PRKCE: variants seen among roughly 807,000 people sequenced by gnomAD.
PRKCE encodes the protein protein kinase C epsilon.
Under a neutral mutation model 85.4 loss-of-function variants are expected in PRKCE, and 16 were observed. The observed-to-expected ratio is 0.19, with a 90% CI of 0.13 to 0.28. The LOEUF (loss-of-function observed/expected upper bound fraction) is 0.28. Ranked by LOEUF, PRKCE falls within the 10% of genes least tolerant of loss-of-function variation. The pLI, the probability that PRKCE is intolerant of heterozygous loss-of-function variation, is 1.00. For synonymous variants in PRKCE, 388 were observed against 371.5 expected, an observed-to-expected ratio of 1.04 and a Z score of -0.51; for missense variants, 573 against 975.2, an observed-to-expected ratio of 0.59 and a Z score of 5.49.
chr2:45,783,142 G>C (rs1030150891), intron 1 of PRKCE, among the ~76,000 whole-genome samples: 1 of 152,166 alleles, frequency 6.6e-6, no homozygotes, highest in Non-Finnish European at 1.5e-5. Flanking sequence ...CCTGGGGAAG[G>C]CTTGGGCTGT....
chr2:46,027,351 A>G (rs1032619716), intron 10 of PRKCE, among the ~76,000 whole-genome samples: 7 of 152,106 alleles, frequency 4.6e-5, no homozygotes, highest in African/African-American at 1.7e-4. Flanking sequence ...AGAAAGAAAA[A>G]GAAAAGAAAA....
intron 1 of PRKCE, among the ~76,000 whole-genome samples, chr2:45,773,195 C>G (rs913157987): frequency 1.3e-5 from 2 of 152,180 alleles, no homozygotes; most frequent in African/African-American, 4.8e-5. Context: ...CCACAGTCTT[C>G]CAACTCTGCT....
intron 14 of PRKCE, chr2:46,167,761 C>T (rs935274082): frequency 6.6e-6 from 1 of 150,790 alleles, no homozygotes; most frequent in African/African-American, 2.5e-5. Context: ...CCCCCCGGTC[C>T]CCTGCTTTTA....
At position 45,777,927 on chromosome 2, in the gene PRKCE, C is replaced by T. The variant is rs988570136; in HGVS notation, c.349-65073C>T. On this transcript the variant is annotated intron_variant, in intron 1 of 14. Transcript: ENST00000306156. ...AAGGTTCTTGAGATGGAACAGAATGCAGGCCCCAGGGACTCAAAGTCATTT... is the reference window on the plus strand; with the variant it reads ...AAGGTTCTTGAGATGGAACAGAATGTAGGCCCCAGGGACTCAAAGTCATTT... 2.0e-5 allele frequency among the ~76,000 whole-genome samples: 3 copies of T among 152,160 alleles called. No homozygotes were observed. In the South Asian group the frequency reaches 6.2e-4, roughly 32 times the overall value.
Position 46,001,448 on chromosome 2 carries a change from C to T in PRKCE, c.868C>T (p.Pro290Ser), listed in dbSNP as rs748855513. Residue 290 changes from proline (P) to serine (S), a missense_variant, in exon 7 of 15, where the codon CCC becomes TCC. Around this residue, in one of 11 missense-constraint regions of PRKCE, gnomAD observed 55 missense variants for 128.1 expected, o/e 0.43. Transcript: ENST00000306156. The surrounding 1 kb of genome is among the most constrained non-coding windows in gnomAD (Gnocchi z 4.4). The stretch of plus-strand genomic sequence containing the variant: ...CCGTCGATGTGAGACCAACGTGGCT[C>T]CCAACTGTGGAGTGGATGCCAGAGG... ...VHRRCETNVA[P>S]NCGVDARGIA... is the part of the protein sequence containing the mutation. The T allele has an allele frequency of 2.5e-6, 4 of 1,599,420 alleles. No homozygotes were observed. The Admixed American group carries it at 5.0e-5, about 20-fold the overall frequency.
intron 10 of PRKCE, among the ~76,000 whole-genome samples, chr2:46,056,888 T>G (rs1280852776): frequency 6.6e-6 from 1 of 152,224 alleles, no homozygotes; most frequent in East Asian, 1.9e-4. Flanking sequence ...TAGGGGAAAC[T>G]TGGACCTGTT....
intron 1 of PRKCE, among the ~76,000 whole-genome samples, chr2:45,756,235 A>G (rs956752266): frequency 1.8e-4 from 27 of 152,290 alleles, no homozygotes; most frequent in Non-Finnish European, 7.4e-5. Context: ...AGGATCCTGG[A>G]CTTCTTTGAA....
intron 1 of PRKCE, among the ~76,000 whole-genome samples, chr2:45,749,591 A>T (rs1257503896): frequency 6.6e-6 from 1 of 152,274 alleles, no homozygotes. Context: ...TGTGGATTGC[A>T]TGATTTTAAT....
chr2:46,181,323 T>C (rs1406564218), intron 14 of PRKCE, among the ~76,000 whole-genome samples: 1 of 152,160 alleles, frequency 6.6e-6, no homozygotes, highest in Non-Finnish European at 1.5e-5. Context: ...GATGGTTATT[T>C]GAATTAGAAA....
chr2:46,120,169 T>A (rs17034583), intron 11 of PRKCE, among the ~76,000 whole-genome samples: 3,787 of 152,350 alleles, frequency 0.025, 147 homozygotes, highest in African/African-American at 0.086. Context: ...ACTGACCTCA[T>A]GTTCAGACAC....
At chr2:45,813,534 A>C (rs1038275280) in intron 1 of PRKCE, among the ~76,000 whole-genome samples, 3 of 152,170 alleles carry the variant, frequency 2.0e-5, no homozygotes, top group African/African-American at 7.2e-5. Flanking sequence ...ACCATGTGGG[A>C]CATGAGAGTT....
At chr2:45,811,148 G>C (rs1688628481) in intron 1 of PRKCE, among the ~76,000 whole-genome samples, 1 of 152,184 alleles carries the variant, frequency 6.6e-6, no homozygotes, top group Non-Finnish European at 1.5e-5. Flanking sequence ...TACAGGAGAA[G>C]GGGAATACAG....
rs948437568 is a variant in PRKCE at position 46,186,836 on chromosome 2, A to T, written c.*1955A>T. On this transcript the variant is annotated 3_prime_UTR_variant, in exon 15 of 15. Transcript: ENST00000306156. The stretch of plus-strand genomic sequence containing the variant: ...GCCTTTGTTACTAATGATGACATTC[A>T]GTTCTCTTTTGTTTTTATTTTTTAA... 6.6e-6 allele frequency: 1 copy of T among 152,598 alleles called. No individual in the cohort carries two copies. The highest frequency in any genetic ancestry group is 1.9e-4 in the East Asian group (1 of 5,202). 9.5% of individuals were successfully genotyped at this position (152,598 alleles called of 1,614,324 possible).
At chr2:46,178,184 C>G (rs967810512) in intron 14 of PRKCE, among the ~76,000 whole-genome samples, 3 of 152,154 alleles carry the variant, frequency 2.0e-5, no homozygotes, top group Non-Finnish European at 4.4e-5. Context: ...TGCTTGAACC[C>G]GGGAGGCGGA....
chr2:46,021,562 A>G (rs1574254926), intron 10 of PRKCE, among the ~76,000 whole-genome samples: 1 of 152,064 alleles, frequency 6.6e-6, no homozygotes, highest in Non-Finnish European at 1.5e-5. Flanking sequence ...AGAAACTGTC[A>G]ATTGTGTAGC....
At chr2:45,828,128 A>C (rs756705074) in intron 1 of PRKCE, among the ~76,000 whole-genome samples, 3 of 152,234 alleles carry the variant, frequency 2.0e-5, no homozygotes, top group Non-Finnish European at 4.4e-5. Flanking sequence ...TTGTTACATG[A>C]AAGGTAGTTA....
chr2:45,768,009 G>A (rs1161591973), intron 1 of PRKCE, among the ~76,000 whole-genome samples: 1 of 152,220 alleles, frequency 6.6e-6, no homozygotes, highest in Non-Finnish European at 1.5e-5. Context: ...TTCCTGGAGA[G>A]GAGCTATTCC....
Position 46,159,868 on chromosome 2 carries a change from AAAGACCAGAGGT to A in PRKCE, c.2067+117_2067+128del. ...GGATGCGTATTACAGTAAAAATGAC[AAAGACCAGAGGT>A]GGCTGAGGCTCTCCCTAAGACAATG... On this transcript the variant is annotated intron_variant, in intron 14 of 14. Transcript: ENST00000306156. The surrounding 1 kb of genome is among the most constrained non-coding windows in gnomAD (Gnocchi z 4.1). 7.3e-7 allele frequency: 1 copy of A among 1,376,462 alleles called. No homozygotes were observed. The highest frequency in any genetic ancestry group is 9.9e-7 in the Non-Finnish European group (1 of 1,012,232). The allele number at this position is 1,376,462 out of a possible 1,614,324, so 85.3% of individuals were successfully genotyped here.
At chr2:46,061,052 G>A (rs1198573901) in intron 10 of PRKCE, among the ~76,000 whole-genome samples, 1 of 150,346 alleles carries the variant, frequency 6.7e-6, no homozygotes, top group African/African-American at 2.5e-5. Flanking sequence ...GTGAGCAACT[G>A]CGTCCGGCCA....
Sources: gnomAD v4.1 joint callset for allele counts (sites outside exome capture counted in the v4.1 genomes callset) on GRCh38, gnomAD v4.1.1 for gene constraint, gnomAD v4.1.1 regional missense constraint, Gnocchi (gnomAD v3.1) non-coding constraint, MANE v1.5 for transcripts, NCBI Gene and HGNC (gene_info 2026-07-23, HGNC 2026-07-21) for gene names.